MSRA: variants seen among roughly 807,000 people sequenced by gnomAD.
MSRA encodes the protein mitochondrial peptide methionine sulfoxide reductase.
Under a neutral mutation model 31.3 loss-of-function variants are expected in MSRA, and 54 were observed. The observed-to-expected ratio is 1.73, with a 90% CI of 1.39 to 2.17. The LOEUF (loss-of-function observed/expected upper bound fraction) is 2.17. Ranked by LOEUF, MSRA falls within the 30% of genes most tolerant of loss-of-function variation. The probability of loss-of-function intolerance (pLI) is 0.00; values close to 1 mark genes in which losing one functional copy is unlikely to be tolerated. For synonymous variants in MSRA, 169 were observed against 116.5 expected, an observed-to-expected ratio of 1.45 and a Z score of -2.90; for missense variants, 507 against 300.9, an observed-to-expected ratio of 1.69 and a Z score of -5.07.
intron 2 of MSRA, among the ~76,000 whole-genome samples, chr8:10,231,686 T>G (rs1259766456): frequency 6.6e-6 from 1 of 152,186 alleles, no homozygotes; most frequent in African/African-American, 2.4e-5. Context: ...GCAGATTACC[T>G]GAGGTCAGGA....
chr8:10,132,829 G>T (rs1431649201), intron 1 of MSRA, among the ~76,000 whole-genome samples: 1 of 152,212 alleles, frequency 6.6e-6, no homozygotes, highest in Non-Finnish European at 1.5e-5. Context: ...TAAAATAGTT[G>T]CAGAGTAGGT....
intron 1 of MSRA, among the ~76,000 whole-genome samples, chr8:10,103,079 G>T (rs1015142179): frequency 1.3e-5 from 2 of 152,138 alleles, no homozygotes; most frequent in East Asian, 1.9e-4. Context: ...GAATATAAGA[G>T]ATGACATTGT....
intron 2 of MSRA, among the ~76,000 whole-genome samples, chr8:10,212,710 C>G (rs1375097144): frequency 6.6e-6 from 1 of 152,122 alleles, no homozygotes; most frequent in East Asian, 1.9e-4. Flanking sequence ...AATGAATTCT[C>G]CATTACTTGA....
intron 5 of MSRA, among the ~76,000 whole-genome samples, chr8:10,339,082 C>G (rs963437486): frequency 6.6e-6 from 1 of 152,118 alleles, no homozygotes; most frequent in Non-Finnish European, 1.5e-5. Flanking sequence ...TTCTTATGAA[C>G]CTTGACTGCA....
intron 5 of MSRA, among the ~76,000 whole-genome samples, chr8:10,366,058 G>A (rs1325128801): frequency 6.6e-6 from 1 of 152,226 alleles, no homozygotes; most frequent in South Asian, 2.1e-4. Context: ...TCCATCTGCA[G>A]GACTGGGGAC....
intron 5 of MSRA, among the ~76,000 whole-genome samples, chr8:10,421,754 G>A (rs932804267): frequency 5.9e-5 from 9 of 152,176 alleles, no homozygotes; most frequent in African/African-American, 2.2e-4. Flanking sequence ...TGAGTCGCTG[G>A]AGCTGGAGAC....
intron 3 of MSRA, among the ~76,000 whole-genome samples, chr8:10,274,474 CTCAG>C (rs1396121678): frequency 6.6e-6 from 1 of 152,076 alleles, no homozygotes; most frequent in Non-Finnish European, 1.5e-5. Flanking sequence ...TAGGGTGATC[CTCAG>C]TCATTTTGCG....
rs17151344 is a variant in MSRA at position 10,209,203 on chromosome 8, G to T, written c.211+1302G>T. On this transcript the variant is annotated intron_variant, in intron 2 of 5. Transcript: ENST00000317173. ...AAACGTTTGATTTGCTAACTTTCCT[G>T]TCCCAGCATGGTGTCTGTTATCATG... is the stretch of plus-strand genomic sequence containing the variant. Among the ~76,000 whole-genome samples, 952 of 152,294 alleles carry T rather than the reference G, an allele frequency of 6.3e-3. 10 individuals carry two copies. Among genetic ancestry groups the T allele is most frequent in the African/African-American group, 0.022 (919 of 41,552 alleles).
chr8:10,148,321 T>A (rs1484148901), intron 1 of MSRA, among the ~76,000 whole-genome samples: 2 of 150,974 alleles, frequency 1.3e-5, no homozygotes, highest in Non-Finnish European at 3.0e-5. Flanking sequence ...TTTTTTTTTA[T>A]GAGAAAGGGA....
chr8:10,287,514 C>T (rs941043182), intron 3 of MSRA, among the ~76,000 whole-genome samples: 7 of 152,232 alleles, frequency 4.6e-5, no homozygotes, highest in African/African-American at 9.6e-5. Flanking sequence ...GTGCAGAGTT[C>T]GGAATAACAC....
rs185627494 is a variant in MSRA, at chr8:10,192,989, A to T, written c.143-14844A>T. ...GTTCTCCCCAGAAACCTTCTCAACA[A>T]TAGTTTACATTTTGAGCTATAAGCC... On this transcript the variant is annotated intron_variant, in intron 1 of 5. Transcript: ENST00000317173. 1.6e-4 allele frequency among the ~76,000 whole-genome samples: 25 copies of T among 152,340 alleles called. 1 individual carries two copies. In the East Asian group the frequency reaches 4.8e-3, roughly 29 times the overall value.
At chr8:10,385,203 G>C (rs547451207) in intron 5 of MSRA, among the ~76,000 whole-genome samples, 2 of 152,294 alleles carry the variant, frequency 1.3e-5, no homozygotes, top group East Asian at 3.9e-4. Flanking sequence ...GACCTAACAG[G>C]ATTCCTGCTG....
At chr8:10,147,864 A>G (rs1012219320) in intron 1 of MSRA, among the ~76,000 whole-genome samples, 1 of 152,194 alleles carries the variant, frequency 6.6e-6, no homozygotes, top group Non-Finnish European at 1.5e-5. Context: ...TTCGACTCTG[A>G]GCAGTGCAGA....
intron 2 of MSRA, among the ~76,000 whole-genome samples, chr8:10,211,193 G>A (rs1023457677): frequency 6.6e-6 from 1 of 152,218 alleles, no homozygotes; most frequent in Admixed American, 6.5e-5. Flanking sequence ...GACAGATAGA[G>A]TGTGGGATAA....
chr8:10,183,958 G>C (rs1230097295), intron 1 of MSRA, among the ~76,000 whole-genome samples: 1 of 139,226 alleles, frequency 7.2e-6, no homozygotes, highest in Non-Finnish European at 1.5e-5. Context: ...GGTGGTATTG[G>C]TAGTGATGGT....
chr8:10,121,498 G>T (rs1209700969), intron 1 of MSRA, among the ~76,000 whole-genome samples: 1 of 152,230 alleles, frequency 6.6e-6, no homozygotes, highest in Non-Finnish European at 1.5e-5. Flanking sequence ...GTGGGGGCAG[G>T]TGTGGCAGGG....
chr8:10,134,747 T>C (rs1191093857), intron 1 of MSRA, among the ~76,000 whole-genome samples: 4 of 152,248 alleles, frequency 2.6e-5, no homozygotes, highest in Non-Finnish European at 5.9e-5. Flanking sequence ...TCTTCTCCTA[T>C]GGCAGAACAG....
Position 10,416,762 on chromosome 8 carries a change from CTT to C in MSRA, c.544-11384_544-11383del, listed in dbSNP as rs745848924. On this transcript the variant is annotated intron_variant, in intron 5 of 5. Coordinates refer to ENST00000317173, the MANE Select transcript of MSRA (RefSeq NM_012331.5). Reference sequence around the variant, plus strand: ...CGGTACGTCTGGGGAAGGGCCCAGACTTTGCATTTCTTGCAAACTTTGCAGGC... The same window carrying C: ...CGGTACGTCTGGGGAAGGGCCCAGACTGCATTTCTTGCAAACTTTGCAGGC... Among the ~76,000 whole-genome samples, 46 of 152,340 alleles carry C rather than the reference CTT, an allele frequency of 3.0e-4. 1 individual carries two copies. Among genetic ancestry groups the C allele is most frequent in the African/African-American group, 7.9e-4 (33 of 41,570 alleles).
In MSRA at chr8:10,262,895, T is replaced by C. The variant is rs543262420; in HGVS notation, c.331+17672T>C. ...TGACCTTGTTACTGGGTTGTACCTA[T>C]GGTTTTGGCCTCTCATTTTTTGCCG... On this transcript the variant is annotated intron_variant, in intron 3 of 5. Coordinates refer to ENST00000317173, the MANE Select transcript of MSRA (RefSeq NM_012331.5). 3.3e-5 allele frequency among the ~76,000 whole-genome samples: 5 copies of C among 152,336 alleles called. No homozygotes were observed. In the South Asian group the frequency reaches 6.2e-4, roughly 19 times the overall value.
Sources: allele counts gnomAD v4.1 joint callset (sites outside exome capture counted in the v4.1 genomes callset), GRCh38; gene constraint gnomAD v4.1.1; transcripts MANE v1.5; gene names NCBI Gene and HGNC (gene_info 2026-07-23, HGNC 2026-07-21).